The following AJAP1 variants were observed in gnomAD, a reference collection of about 807,000 sequenced individuals.
AJAP1 encodes the protein adherens junctions associated protein 1, also known as adherens junction-associated protein 1.
Under a neutral mutation model 35.0 loss-of-function variants are expected in AJAP1, and 5 were observed. The observed-to-expected ratio is 0.14, with a 90% confidence interval of 0.07 to 0.30. The LOEUF is 0.30. Ranked by LOEUF, AJAP1 falls within the 10% of genes least tolerant of loss-of-function variation. AJAP1 has a pLI of 1.00. For synonymous variants in AJAP1, 284 were observed against 249.3 expected, an observed-to-expected ratio of 1.14 and a Z score of -1.31; for missense variants, 586 against 571.0, an observed-to-expected ratio of 1.03 and a Z score of -0.27.
chr1:4,736,604 C>G (rs1263325661), intron 2 of AJAP1, among the ~76,000 whole-genome samples: 1 of 152,236 alleles, frequency 6.6e-6, no homozygotes. Context: ...CCCCAGTGAA[C>G]CTGCAAGCTC....
At chr1:4,672,406 T>C (rs1260552547) in intron 1 of AJAP1, among the ~76,000 whole-genome samples, 3 of 152,230 alleles carry the variant, frequency 2.0e-5, no homozygotes, top group African/African-American at 7.2e-5. Flanking sequence ...TTGCATACAC[T>C]GTGCCCACAT....
chr1:4,741,103 C>T (rs939866479), intron 2 of AJAP1, among the ~76,000 whole-genome samples: 3 of 151,996 alleles, frequency 2.0e-5, no homozygotes, highest in Non-Finnish European at 2.9e-5. Context: ...GGGAGGTCTG[C>T]CTCACGCAGG....
intron 2 of AJAP1, among the ~76,000 whole-genome samples, chr1:4,715,234 G>C (rs747026432): frequency 1.3e-5 from 2 of 152,234 alleles, no homozygotes; most frequent in Non-Finnish European, 2.9e-5. Flanking sequence ...GGGGACTCCA[G>C]AGCTGCAATC....
intron 1 of AJAP1, among the ~76,000 whole-genome samples, chr1:4,661,178 A>G (rs1023292158): frequency 6.6e-6 from 1 of 152,228 alleles, no homozygotes; most frequent in East Asian, 1.9e-4. Context: ...GGGAGATACA[A>G]TGGGCAGCTC....
rs2100266021 is a variant in AJAP1, at chr1:4,712,044, C to G, written c.174C>G (p.Pro58=). 2 of 1,589,088 alleles carry G rather than the reference C, an allele frequency of 1.3e-6. No individual in the cohort carries two copies. The highest frequency in any genetic ancestry group is 2.4e-5 in the East Asian group (1 of 42,332). ...PEFWLLPRSP[P]RPPRLWSFRS... is the part of the protein sequence containing the mutation. ...TCTGGCTCCTGCCGCGGTCGCCGCCCCGGCCGCCCCGGCTGTGGAGTTTTA... is the reference window on the plus strand; with the variant it reads ...TCTGGCTCCTGCCGCGGTCGCCGCCGCGGCCGCCCCGGCTGTGGAGTTTTA... The change falls in exon 2 of 6, where the codon CCC becomes CCG. Residue 58 remains proline (P), a synonymous_variant. Transcript: ENST00000378191.
Position 4,769,955 on chromosome 1 carries a change from G to C in AJAP1, c.917+15G>C. The C allele has an allele frequency of 6.2e-7, 1 of 1,602,152 alleles. No homozygotes were observed. Among genetic ancestry groups the C allele is most frequent in the African/African-American group, 1.3e-5 (1 of 74,766 alleles). On this transcript the variant is annotated intron_variant, in intron 3 of 5. Transcript: ENST00000378191. ...TTAAAAAATTGGTAAGGCTCCTTGG[G>C]CCCTTCTGGCCCAGAAATGGGGGAC... is the stretch of plus-strand genomic sequence containing the variant.
rs1642258466 is a variant in AJAP1, at chr1:4,792,229, T to A, written c.*9744T>A. 6.6e-6 allele frequency: 1 copy of A among 151,988 alleles called. No individual in the cohort carries two copies. The highest frequency in any genetic ancestry group is 1.9e-4 in the East Asian group (1 of 5,186). 9.4% of individuals were successfully genotyped at this position (151,988 alleles called of 1,614,324 possible). ...TCTCTATAGACGTATTTATATATCATCTTCTTGAGAGAGTTAACCTCCTGT... is the reference window on the plus strand; with the variant it reads ...TCTCTATAGACGTATTTATATATCAACTTCTTGAGAGAGTTAACCTCCTGT... On this transcript the variant is annotated 3_prime_UTR_variant, in exon 6 of 6. Transcript: ENST00000378191.
Position 4,787,988 on chromosome 1 carries a change from A to G in AJAP1, c.*5503A>G, listed in dbSNP as rs118072248. On this transcript the variant is annotated 3_prime_UTR_variant, in exon 6 of 6. Coordinates refer to ENST00000378191, the MANE Select transcript of AJAP1 (RefSeq NM_018836.4). Reference sequence around the variant, plus strand: ...GTGCAGTTTGTCAATTTGCTCTACCATACTGTTTTTTGATTATTTGTTTGT... The same window carrying G: ...GTGCAGTTTGTCAATTTGCTCTACCGTACTGTTTTTTGATTATTTGTTTGT... 0.015 allele frequency: 4,874 copies of G among 315,554 alleles called. 344 individuals carry two copies. The highest frequency in any genetic ancestry group is 0.11 in the South Asian group (4,640 of 40,622). 19.5% of individuals were successfully genotyped at this position (315,554 alleles called of 1,614,324 possible). A position where few individuals can be genotyped will look rare whatever the true frequency, so the allele number is the denominator to read the frequency against.
In AJAP1 at chr1:4,772,470, G is replaced by A. The variant is rs200746697; in HGVS notation, c.1108G>A (p.Asp370Asn). The change falls in exon 4 of 6, where the codon GAT (aspartate) becomes AAT (asparagine). Residue 370 changes from aspartate (D) to asparagine (N), a missense_variant. By Grantham distance (23) the Asp-to-Asn change is conservative. Transcript: ENST00000378191. Reference protein sequence around the residue: ...CVRASVPVYTDETLHSTTGEY... With the variant: ...CVRASVPVYTNETLHSTTGEY... ...CAGGGCATCTGTGCCCGTGTACACC[G>A]ATGAGACGCTGCACTCGACGACGGG... The A allele has an allele frequency of 2.0e-5, 32 of 1,614,222 alleles. No individual in the cohort carries two copies. The highest frequency in any genetic ancestry group is 1.3e-4 in the East Asian group (6 of 44,878).
intron 1 of AJAP1, among the ~76,000 whole-genome samples, chr1:4,680,134 T>C (rs1430731359): frequency 6.6e-6 from 1 of 152,112 alleles, no homozygotes; most frequent in Non-Finnish European, 1.5e-5. Flanking sequence ...TCTCTGTCAG[T>C]CTTCTATCCA....
Position 4,712,592 on chromosome 1 carries a change from A to G in AJAP1, c.722A>G (p.Asp241Gly). The G allele has an allele frequency of 6.2e-7, 1 of 1,605,344 alleles. No homozygotes were observed. Among genetic ancestry groups the G allele is most frequent in the African/African-American group, 1.3e-5 (1 of 74,852 alleles). The change falls in exon 2 of 6, where the codon GAT becomes GGT. Residue 241 changes from aspartate to glycine, a missense_variant. Transcript: ENST00000378191. The part of the protein sequence containing the change: ...LQTKGFTESL[D>G]PRRRIPGGVS... ...ACTAAGGGGTTCACCGAGTCCTTGG[A>G]TCCCCGGAGAAGGATCCCAGGTGGG... is the stretch of plus-strand genomic sequence containing the variant.
rs1642088093 is a variant in AJAP1, at chr1:4,782,669, TCA to T, written c.*187_*188del. On this transcript the variant is annotated 3_prime_UTR_variant, in exon 6 of 6. Coordinates refer to ENST00000378191, the MANE Select transcript of AJAP1 (RefSeq NM_018836.4). The surrounding 1 kb of genome is among the most constrained non-coding windows in gnomAD (Gnocchi z 5.3). ...CCACTTCTGTTTGCCGGTGGGAAACTCACAGAGCAGGACGCTCTAGGCCAAAT... is the reference window on the plus strand; with the variant it reads ...CCACTTCTGTTTGCCGGTGGGAAACTCAGAGCAGGACGCTCTAGGCCAAAT... 5.0e-6 allele frequency: 2 copies of T among 398,456 alleles called. No individual in the cohort carries two copies. Among genetic ancestry groups the T allele is most frequent in the East Asian group, 7.1e-5 (2 of 28,074 alleles). 24.7% of individuals were successfully genotyped at this position (398,456 alleles called of 1,614,324 possible).
rs1247384319 is a variant in AJAP1, at chr1:4,720,259, T to C, written c.829+7560T>C. 1.3e-5 allele frequency among the ~76,000 whole-genome samples: 2 copies of C among 152,190 alleles called. No individual in the cohort carries two copies. Among genetic ancestry groups the C allele is most frequent in the Non-Finnish European group, 2.9e-5 (2 of 68,024 alleles). On this transcript the variant is annotated intron_variant, in intron 2 of 5. Coordinates refer to ENST00000378191, the MANE Select transcript of AJAP1 (RefSeq NM_018836.4). The surrounding 1 kb of genome is among the most constrained non-coding windows in gnomAD (Gnocchi z 4.4). ...CTTCGGGTCCCCGCTTTCGATGTGG[T>C]TCAACATGGTTCAGTGAATCTCACA...
rs1223605786 is a variant in AJAP1, at chr1:4,785,236, G to T, written c.*2751G>T. ...AACAACCCTCTTGTCCCCGATAAGA[G>T]CCACAGATTCAAGGCAGGGCTGTGA... On this transcript the variant is annotated 3_prime_UTR_variant, in exon 6 of 6. Coordinates refer to ENST00000378191, the MANE Select transcript of AJAP1 (RefSeq NM_018836.4). 1.3e-5 allele frequency: 2 copies of T among 152,192 alleles called. No homozygotes were observed. Among genetic ancestry groups the T allele is most frequent in the Non-Finnish European group, 2.9e-5 (2 of 68,072 alleles). The allele number at this position is 152,192 out of a possible 1,614,324, so 9.4% of individuals were successfully genotyped here.
Position 4,772,504 on chromosome 1 carries a change from A to G in AJAP1, c.1142A>G (p.Lys381Arg), listed in dbSNP as rs149090415. Residue 381 changes from lysine (K) to arginine (R), a missense_variant, in exon 4 of 6, where the codon AAA becomes AGA. Coordinates refer to ENST00000378191, the MANE Select transcript of AJAP1 (RefSeq NM_018836.4). ...CTGCACTCGACGACGGGGGAGTACAAATCCACATTTAATGGAAACCGGTAA... is the reference window on the plus strand; with the variant it reads ...CTGCACTCGACGACGGGGGAGTACAGATCCACATTTAATGGAAACCGGTAA... ...ETLHSTTGEY[K>R]STFNGNRPSS... 6.2e-7 allele frequency: 1 copy of G among 1,613,982 alleles called. No individual in the cohort carries two copies. The highest frequency in any genetic ancestry group is 1.3e-5 in the African/African-American group (1 of 74,934).
At chr1:4,684,362 T>C (rs1054409852) in intron 1 of AJAP1, among the ~76,000 whole-genome samples, 2 of 152,134 alleles carry the variant, frequency 1.3e-5, no homozygotes, top group Non-Finnish European at 2.9e-5. Flanking sequence ...TGCCTGGGTC[T>C]AGGAAGCTGC....
chr1:4,688,053 T>G (rs1000607976), intron 1 of AJAP1, among the ~76,000 whole-genome samples: 1 of 152,108 alleles, frequency 6.6e-6, no homozygotes, highest in African/African-American at 2.4e-5. Context: ...GGAGGAGGTG[T>G]TTCTGCCGAG....
intron 2 of AJAP1, among the ~76,000 whole-genome samples, chr1:4,748,954 T>A (rs992677973): frequency 6.6e-6 from 1 of 152,026 alleles, no homozygotes; most frequent in African/African-American, 2.4e-5. Flanking sequence ...CTGTGAGAAA[T>A]AAGTCTGTGT....
chr1:4,677,191 C>G (rs917198725), intron 1 of AJAP1, among the ~76,000 whole-genome samples: 7 of 152,084 alleles, frequency 4.6e-5, no homozygotes, highest in African/African-American at 1.7e-4. Flanking sequence ...ACCCAAATGC[C>G]TCTAATGCGA....
Sources: gnomAD v4.1 joint callset for allele counts (sites outside exome capture counted in the v4.1 genomes callset) on GRCh38, gnomAD v4.1.1 for gene constraint, Gnocchi (gnomAD v3.1) non-coding constraint, MANE v1.5 for transcripts, NCBI Gene and HGNC (gene_info 2026-07-23, HGNC 2026-07-21) for gene names.